Variants in SBF1 observed in about 807,000 individuals in gnomAD.
SBF1 encodes myotubularin-related protein 5.
SBF1 carries 65 observed loss-of-function variants against 215.8 expected under a neutral mutation model. That is an observed-to-expected ratio of 0.30 (90% CI 0.25 to 0.37). The LOEUF is 0.37. Ranked by LOEUF, SBF1 falls within the 10% of genes least tolerant of loss-of-function variation. The pLI, the probability that SBF1 is intolerant of heterozygous loss-of-function variation, is 1.00. For missense variants in SBF1, 2,634 were observed against 2,667.8 expected, an observed-to-expected ratio of 0.99 and a Z score of 0.28; for synonymous variants, 1,410 against 1,122.8, an observed-to-expected ratio of 1.26 and a Z score of -5.11.
At position 50,456,377 on chromosome 22, in the gene SBF1, G is replaced by A. The variant is rs1182555765; in HGVS notation, c.4105C>T (p.Leu1369=). 7 of 1,612,862 alleles carry A rather than the reference G, an allele frequency of 4.3e-6. No individual in the cohort carries two copies. Among genetic ancestry groups the A allele is most frequent in the Non-Finnish European group, 5.9e-6 (7 of 1,179,976 alleles). Residue 1369 remains leucine (L), a synonymous_variant, in exon 31 of 41, where the codon CTG becomes TTG. Transcript: ENST00000380817. ...ATGGGCACCAGCTCCCACTGCTGCAGGGGGTCTGACCGCACACCCTGAAAA... is the reference window on the plus strand; with the variant it reads ...ATGGGCACCAGCTCCCACTGCTGCAAGGGGTCTGACCGCACACCCTGAAAA... ...AQLKGVRSDP[L]QQWELVPIEV...
chr22:50,465,712 G>C, intron 10 of SBF1, 51 bp downstream of exon 10: 1 of 1,513,110 alleles, frequency 6.6e-7, no homozygotes, highest in South Asian at 1.2e-5. Flanking sequence ...ACCTGAGTGG[G>C]GGCAGCCTAA....
chr22:50,456,093 T>G (rs2148572762), intron 31 of SBF1, 123 bp downstream of exon 31: 1 of 1,070,226 alleles, frequency 9.3e-7, no homozygotes, highest in African/African-American at 1.6e-5. Flanking sequence ...GGGAAGTGGC[T>G]GTCACCTCCT....
At chr22:50,452,218 G>A (rs1556418664) in intron 36 of SBF1, among the ~76,000 whole-genome samples, 1 of 150,476 alleles carries the variant, frequency 6.6e-6, no homozygotes, top group Non-Finnish European at 1.5e-5. Flanking sequence ...GCAAAATAAA[G>A]GCACCAAGAT....
At chr22:50,470,028 C>T (rs568714398) in intron 1 of SBF1, among the ~76,000 whole-genome samples, 31 of 152,158 alleles carry the variant, frequency 2.0e-4, no homozygotes, top group African/African-American at 4.3e-4. Flanking sequence ...AGAGGACAGG[C>T]GGCAGACGGG....
At chr22:50,466,843 T>C in intron 5 of SBF1, 133 bp from the exon 6 acceptor site, 3 of 632,116 alleles carry the variant, frequency 4.7e-6, no homozygotes, top group Non-Finnish European at 8.3e-6. Flanking sequence ...ATGGGCAACA[T>C]GGCAAGAGGG....
intron 36 of SBF1, among the ~76,000 whole-genome samples, chr22:50,450,939 CT>C (rs2067020831): frequency 6.6e-6 from 1 of 152,098 alleles, no homozygotes; most frequent in Non-Finnish European, 1.5e-5. Context: ...AAGACCCCAT[CT>C]TTATATATAT....
intron 18 of SBF1, 34 bp downstream of exon 18, chr22:50,462,525 C>A (rs751410225): frequency 1.2e-6 from 2 of 1,609,476 alleles, no homozygotes; most frequent in East Asian, 4.5e-5. Flanking sequence ...CAGCCCCTAG[C>A]CCCCAGCCCC....
chr22:50,461,152 G>C lies in SBF1; in HGVS notation c.2967+7C>G. On this transcript the variant is annotated splice_region_variant and intron_variant, in intron 23 of 40. Coordinates refer to ENST00000380817, the MANE Select transcript of SBF1 (RefSeq NM_002972.4). ...GATGAGAGCCCCACCCGCGCACCGC[G>C]CCCCACCTGGAATGTGCAGGAGCGC... 2 of 1,590,690 alleles carry C rather than the reference G, an allele frequency of 1.3e-6. No individual in the cohort carries two copies. Among genetic ancestry groups the C allele is most frequent in the Non-Finnish European group, 1.7e-6 (2 of 1,165,998 alleles).
Position 50,461,660 on chromosome 22 carries a change from C to T in SBF1, c.2702G>A (p.Arg901His), listed in dbSNP as rs763212089. ...PGEECVLDGL[R>H]VYLLPDGREE... ...ACGCCCATCCGGCAGCAGGTAGACG[C>T]GCAGGCCGTCCAGCACACACTCCTC... is the stretch of plus-strand genomic sequence containing the variant. The change falls in exon 22 of 41, where the codon CGC (arginine) becomes CAC (histidine). Residue 901 changes from arginine (R) to histidine (H), a missense_variant. Arg to His is a conservative substitution (Grantham distance 29). Coordinates refer to ENST00000380817, the MANE Select transcript of SBF1 (RefSeq NM_002972.4). The T allele has an allele frequency of 1.2e-6, 2 of 1,610,762 alleles. No homozygotes were observed. The highest frequency in any genetic ancestry group is 1.7e-6 in the Non-Finnish European group (2 of 1,179,750).
intron 18 of SBF1, 22 bp from the exon 19 acceptor site, chr22:50,462,495 G>T (rs552431925): frequency 6.2e-7 from 1 of 1,612,392 alleles, no homozygotes; most frequent in East Asian, 2.2e-5. Flanking sequence ...CCACACGCAT[G>T]AGCCGGGGCC....
Position 50,462,563 on chromosome 22 carries a change from GC to G in SBF1, c.2122del (p.Ala708ProfsTer17). 6.2e-7 allele frequency: 1 copy of G among 1,610,458 alleles called. No homozygotes were observed. On this transcript the variant is annotated frameshift_variant, in exon 18 of 41. Transcript: ENST00000380817. LOFTEE classifies it high-confidence loss of function. ...GCCCAGGGAGTCCCTGCGCACCTGG[GC>G]GGGGGCCAGGTCCTCCGTGGGCTCC... ...YLEPTEDLAP[A>X]QEVGEAPSQE...
rs571868041 is a variant in SBF1 at position 50,460,698 on chromosome 22, G to A, written c.2982C>T (p.Ala994=). The change falls in exon 24 of 41, where the codon GCC becomes GCT. Residue 994 remains alanine, a synonymous_variant. Coordinates refer to ENST00000380817, the MANE Select transcript of SBF1 (RefSeq NM_002972.4). ...RSCTFQLLKM[A]FDEEVGSDSA... is the part of the protein sequence containing the mutation. The stretch of plus-strand genomic sequence containing the variant: ...TGTCAGACCCCACCTCCTCGTCAAA[G>A]GCCATTTTCAGCAGCTGTGTCAGTA... 2.3e-5 allele frequency: 37 copies of A among 1,613,174 alleles called. No individual in the cohort carries two copies. The Admixed American group carries it at 5.0e-4, about 22-fold the overall frequency.
intron 1 of SBF1, among the ~76,000 whole-genome samples, chr22:50,472,783 A>G (rs1251477071): frequency 2.6e-5 from 4 of 152,126 alleles, no homozygotes; most frequent in African/African-American, 9.7e-5. Flanking sequence ...CCCTCAGCCC[A>G]TGACCAGGGT....
intron 36 of SBF1, among the ~76,000 whole-genome samples, chr22:50,449,764 G>T (rs530559657): frequency 2.0e-5 from 3 of 152,168 alleles, no homozygotes; most frequent in African/African-American, 7.2e-5. Flanking sequence ...TAAAACTGAC[G>T]GCTGACTTCA....
intron 1 of SBF1, among the ~76,000 whole-genome samples, chr22:50,469,042 G>A (rs898265727): frequency 5.9e-5 from 9 of 152,220 alleles, no homozygotes; most frequent in African/African-American, 1.9e-4. Context: ...GGTCCCAGAA[G>A]ATGGGGTTTG....
intron 28 of SBF1, 27 bp from the exon 29 acceptor site, chr22:50,457,138 A>G: frequency 6.9e-7 from 1 of 1,451,484 alleles, no homozygotes; most frequent in South Asian, 1.5e-5. Flanking sequence ...GAGAAGGCTC[A>G]GGCCTAGCCC....
intron 28 of SBF1, chr22:50,457,455 CAG>C (rs1168141592): frequency 7.7e-6 from 2 of 259,900 alleles, no homozygotes; most frequent in Non-Finnish European, 1.5e-5. Context: ...GTCCTCCACT[CAG>C]GGGGCCAGGG....
Position 50,454,560 on chromosome 22 carries a change from G to GT in SBF1, c.4994dup (p.Tyr1665Ter), listed in dbSNP as rs2067171920. 1 of 1,611,658 alleles carries GT rather than the reference G, an allele frequency of 6.2e-7. No homozygotes were observed. Among genetic ancestry groups the GT allele is most frequent in the Non-Finnish European group, 8.5e-7 (1 of 1,179,876 alleles). ...CAGGCTGGGCCCGCGGGCAGCTGTC[G>GT]TAACAGGGCCACACCACGCGGCGCC... Reference protein sequence around the residue: ...QSRRRVVWPCYDSCPRAQPDA... With the variant: ...QSRRRVVWPC Residue 1665 changes from tyrosine (Y) to a stop codon, truncating the protein, a stop_gained and frameshift_variant, in exon 36 of 41, where the codon TAC becomes TAAC. Coordinates refer to ENST00000380817, the MANE Select transcript of SBF1 (RefSeq NM_002972.4). LOFTEE classifies it high-confidence loss of function.
chr22:50,461,174 G>T lies in SBF1; in HGVS notation c.2952C>A (p.Arg984=). 2.5e-6 allele frequency: 4 copies of T among 1,607,468 alleles called. No individual in the cohort carries two copies. The highest frequency in any genetic ancestry group is 3.4e-6 in the Non-Finnish European group (4 of 1,176,398). ...CGCGCCCCACCTGGAATGTGCAGGAGCGCAGCTGGAGCCCGTCCTGCAGGA... is the reference window on the plus strand; with the variant it reads ...CGCGCCCCACCTGGAATGTGCAGGATCGCAGCTGGAGCCCGTCCTGCAGGA... ...DQLLQDGLQL[R]SCTFQLLKMA... The change falls in exon 23 of 41, where the codon CGC becomes CGA. Residue 984 remains arginine (R), a synonymous_variant. Coordinates refer to ENST00000380817, the MANE Select transcript of SBF1 (RefSeq NM_002972.4).
Sources: allele counts gnomAD v4.1 joint callset (sites outside exome capture counted in the v4.1 genomes callset), GRCh38; gene constraint gnomAD v4.1.1; transcripts MANE v1.5; gene names NCBI Gene and HGNC (gene_info 2026-07-23, HGNC 2026-07-21).